GSE1: variants seen among roughly 807,000 people sequenced by gnomAD.
GSE1 encodes genetic suppressor element 1.
GSE1 carries 32 observed loss-of-function variants against 112.6 expected under a neutral mutation model. That is an observed-to-expected ratio of 0.28 (90% CI 0.21 to 0.38). The LOEUF (loss-of-function observed/expected upper bound fraction) is 0.38, where lower values mean the gene tolerates loss of function less well. Ranked by LOEUF, GSE1 falls within the 10% of genes least tolerant of loss-of-function variation. GSE1 has a pLI of 1.00. For synonymous variants in GSE1, 1,115 were observed against 735.6 expected, an observed-to-expected ratio of 1.52 and a Z score of -8.35; for missense variants, 2,348 against 1,699.2, an observed-to-expected ratio of 1.38 and a Z score of -6.71.
At chr16:85,642,941 G>T (rs1186338088) in intron 2 of GSE1, among the ~76,000 whole-genome samples, 2 of 152,188 alleles carry the variant, frequency 1.3e-5, no homozygotes, top group Admixed American at 1.3e-4. Context: ...ACAGTGCGCT[G>T]GAGAGTGGTC....
intron 2 of GSE1, among the ~76,000 whole-genome samples, chr16:85,360,453 T>C (rs926251839): frequency 7.2e-5 from 11 of 152,118 alleles, no homozygotes; most frequent in African/African-American, 2.2e-4. Flanking sequence ...TCCGGGCAGC[T>C]CCTCAGCCAG....
At chr16:85,667,540 G>A (rs1598705401) in intron 13 of GSE1, among the ~76,000 whole-genome samples, 1 of 152,344 alleles carries the variant, frequency 6.6e-6, no homozygotes, top group South Asian at 2.1e-4. Flanking sequence ...TGTCTGCTGA[G>A]GGCTGACTAT....
At chr16:85,351,330 A>C (rs2151560109) in intron 1 of GSE1, among the ~76,000 whole-genome samples, 1 of 152,338 alleles carries the variant, frequency 6.6e-6, no homozygotes, top group Non-Finnish European at 1.5e-5. Flanking sequence ...ATTGTTCAAA[A>C]TACTGGGTTT....
At chr16:85,277,918 C>G (rs4075455) in intron 1 of GSE1, among the ~76,000 whole-genome samples, 34,864 of 152,172 alleles carry the variant, frequency 0.23, 4,755 homozygotes, top group East Asian at 0.34. Flanking sequence ...CACCTCGGGG[C>G]TCCTTCCTGC....
At chr16:85,545,572 C>T (rs2044667529) in intron 2 of GSE1, among the ~76,000 whole-genome samples, 8 of 152,158 alleles carry the variant, frequency 5.3e-5, no homozygotes, top group Admixed American at 5.2e-4. Context: ...GGCTGTGTGA[C>T]CTTGGGCAAG....
At chr16:85,214,000 G>A (rs1039279810) in intron 1 of GSE1, among the ~76,000 whole-genome samples, 1 of 152,238 alleles carries the variant, frequency 6.6e-6, no homozygotes, top group Non-Finnish European at 1.5e-5. Context: ...GGGAGGTGGA[G>A]GCCATCCCAG....
At chr16:85,592,928 G>T (rs1334575974) in intron 1 of GSE1, 2 of 152,378 alleles carry the variant, frequency 1.3e-5, no homozygotes, top group East Asian at 3.9e-4. Context: ...AGGGTGCCTG[G>T]ACTCCCTCAT....
At chr16:85,244,156 A>G (rs1193086570) in intron 1 of GSE1, among the ~76,000 whole-genome samples, 1 of 152,186 alleles carries the variant, frequency 6.6e-6, no homozygotes, top group Non-Finnish European at 1.5e-5. Flanking sequence ...TTAAGGTTGC[A>G]GGTGGAATTA....
intron 13 of GSE1, among the ~76,000 whole-genome samples, chr16:85,667,804 G>A (rs185154737): frequency 1.3e-5 from 2 of 152,296 alleles, no homozygotes; most frequent in East Asian, 1.9e-4. Context: ...GTTGCAGTGA[G>A]CCGAGATCAC....
intron 2 of GSE1, among the ~76,000 whole-genome samples, chr16:85,545,687 A>G (rs2044670133): frequency 6.6e-6 from 1 of 152,256 alleles, no homozygotes; most frequent in Admixed American, 6.5e-5. Context: ...TACTTAAAGC[A>G]TGTAGCACAG....
chr16:85,665,685 C>T (rs546745584), intron 12 of GSE1, among the ~76,000 whole-genome samples: 4 of 152,326 alleles, frequency 2.6e-5, no homozygotes, highest in African/African-American at 4.8e-5. Flanking sequence ...CTCTCTTGTC[C>T]GGTTGGACTG....
At chr16:85,572,396 AACACACCAC>A (rs1171879089) in intron 1 of GSE1, among the ~76,000 whole-genome samples, 1 of 135,022 alleles carries the variant, frequency 7.4e-6, no homozygotes, top group Admixed American at 7.4e-5. Flanking sequence ...CCCACACACA[AACACACCAC>A]ACACACTACA....
intron 1 of GSE1, among the ~76,000 whole-genome samples, chr16:85,309,553 G>T (rs1020461603): frequency 6.6e-6 from 1 of 152,186 alleles, no homozygotes; most frequent in African/African-American, 2.4e-5. Flanking sequence ...ATTTTGAGAT[G>T]ATATGTTATT....
At chr16:85,412,728 G>GC (rs1275813113) in intron 2 of GSE1, among the ~76,000 whole-genome samples, 1 of 149,602 alleles carries the variant, frequency 6.7e-6, no homozygotes, top group Non-Finnish European at 1.5e-5. Context: ...TTACTCTCAG[G>GC]CCCCCCGGAT....
chr16:85,337,698 G>T (rs999145059), intron 1 of GSE1, among the ~76,000 whole-genome samples: 7 of 152,196 alleles, frequency 4.6e-5, no homozygotes, highest in African/African-American at 1.7e-4. Flanking sequence ...TGCCTTCAGG[G>T]GTCCATGGGT....
intron 2 of GSE1, among the ~76,000 whole-genome samples, chr16:85,466,423 G>A (rs1289297869): frequency 2.0e-5 from 3 of 152,224 alleles, no homozygotes; most frequent in Admixed American, 2.0e-4. Context: ...GTGGGCCCAG[G>A]CCAGGCTCTG....
At chr16:85,331,276 C>G (rs1288901390) in intron 1 of GSE1, among the ~76,000 whole-genome samples, 1 of 149,020 alleles carries the variant, frequency 6.7e-6, no homozygotes, top group Non-Finnish European at 1.5e-5. Flanking sequence ...CCTCAGCCTC[C>G]CAAGTAGCTG....
intron 2 of GSE1, among the ~76,000 whole-genome samples, chr16:85,374,202 G>A (rs1054840063): frequency 1.3e-5 from 2 of 151,156 alleles, no homozygotes; most frequent in African/African-American, 4.9e-5. Context: ...GTGTTCACGC[G>A]TGGCCCTCGG....
chr16:85,344,484 A>C (rs1474718692), intron 1 of GSE1, among the ~76,000 whole-genome samples: 2 of 152,204 alleles, frequency 1.3e-5, no homozygotes, highest in Non-Finnish European at 2.9e-5. Flanking sequence ...GATGGGACAA[A>C]TGTGTAGAGG....
Sources: gnomAD v4.1 joint callset for allele counts (sites outside exome capture counted in the v4.1 genomes callset) on GRCh38, gnomAD v4.1.1 for gene constraint, MANE v1.5 for transcripts, NCBI Gene and HGNC (gene_info 2026-07-23, HGNC 2026-07-21) for gene names.